DRC11: variants seen among roughly 807,000 people sequenced by gnomAD.
DRC11 encodes dynein regulatory complex subunit 11, also known as IQ and AAA domain-containing protein 1.
At chr2:236,377,918 C>A in the DRC11 span, among the ~76,000 whole-genome samples, 1 of 152,182 alleles carries the variant, frequency 6.6e-6, no homozygotes, top group East Asian at 1.9e-4. This position sits in a 1 kb window ranked among gnomAD's most constrained non-coding sequence, Gnocchi z 4.9. Flanking sequence ...AGGTTAAACT[C>A]AAATATTATT....
the DRC11 span, among the ~76,000 whole-genome samples, chr2:236,422,910 T>C: frequency 6.6e-6 from 1 of 151,978 alleles, no homozygotes; most frequent in Non-Finnish European, 1.5e-5. Flanking sequence ...TATCTACAAC[T>C]ATCTGATCTT....
At chr2:236,332,861 T>A in the DRC11 span, 1 of 152,160 alleles carries the variant, frequency 6.6e-6, no homozygotes, top group Non-Finnish European at 1.5e-5. This position sits in a 1 kb window ranked among gnomAD's most constrained non-coding sequence, Gnocchi z 5.1. Context: ...GAACTGTACC[T>A]TGGGGCCTGC....
At chr2:236,363,985 A>G in the DRC11 span, 1 of 1,611,036 alleles carries the variant, frequency 6.2e-7, no homozygotes, top group Admixed American at 1.7e-5. The surrounding 1 kb of genome is among the most constrained non-coding windows in gnomAD (Gnocchi z 5.6). Flanking sequence ...AGAACCTAAA[A>G]AAGGCAGAGG....
the DRC11 span, among the ~76,000 whole-genome samples, chr2:236,342,675 C>T: frequency 4.9e-4 from 75 of 152,282 alleles, 1 homozygote; most frequent in Middle Eastern, 3.4e-3. The surrounding 1 kb of genome is among the most constrained non-coding windows in gnomAD (Gnocchi z 5.8). Context: ...ATGGTTTCCT[C>T]CCCCGCTCCT....
the DRC11 span, among the ~76,000 whole-genome samples, chr2:236,495,137 G>A: frequency 6.6e-6 from 1 of 152,168 alleles, no homozygotes; most frequent in East Asian, 1.9e-4. This position sits in a 1 kb window ranked among gnomAD's most constrained non-coding sequence, Gnocchi z 5.6. Flanking sequence ...GAGGTCAGGA[G>A]TTCGAGACCA....
chr2:236,440,947 C>A, the DRC11 span: 4 of 733,196 alleles, frequency 5.5e-6, no homozygotes, highest in Non-Finnish European at 9.1e-6. Flanking sequence ...GGAAAATAAC[C>A]AAGACCTAAT....
the DRC11 span, among the ~76,000 whole-genome samples, chr2:236,338,927 G>C: frequency 1.3e-5 from 2 of 152,210 alleles, no homozygotes; most frequent in African/African-American, 4.8e-5. Flanking sequence ...AGGAATGAGC[G>C]AGAACAGGCT....
chr2:236,389,225 T>G, the DRC11 span, among the ~76,000 whole-genome samples: 452 of 152,328 alleles, frequency 3.0e-3, 1 homozygote, highest in African/African-American at 8.6e-3. Context: ...GTTTACCTAA[T>G]CAAGCCTGGG....
the DRC11 span, chr2:236,367,943 C>T: frequency 1.9e-6 from 1 of 517,298 alleles, no homozygotes; most frequent in Non-Finnish European, 3.5e-6. The surrounding 1 kb of genome is among the most constrained non-coding windows in gnomAD (Gnocchi z 4.8). Flanking sequence ...CTCCCCAGCT[C>T]ATTGCCTGTA....
chr2:236,402,139 C>A, the DRC11 span, among the ~76,000 whole-genome samples: 3 of 152,218 alleles, frequency 2.0e-5, no homozygotes, highest in Non-Finnish European at 2.9e-5. This position sits in a 1 kb window ranked among gnomAD's most constrained non-coding sequence, Gnocchi z 6.0. Context: ...GCGGCTCTTG[C>A]TCCCAAGACA....
the DRC11 span, among the ~76,000 whole-genome samples, chr2:236,477,286 A>C: frequency 6.6e-6 from 1 of 152,226 alleles, no homozygotes; most frequent in African/African-American, 2.4e-5. Context: ...CACATATTTT[A>C]TATATTACAT....
At chr2:236,357,598 TGTA>T in the DRC11 span, among the ~76,000 whole-genome samples, 2 of 126,500 alleles carry the variant, frequency 1.6e-5, no homozygotes, top group African/African-American at 3.2e-5. Context: ...TATGCATTTA[TGTA>T]AATATATATT....
chr2:236,378,017 A>G, the DRC11 span, among the ~76,000 whole-genome samples: 1 of 152,192 alleles, frequency 6.6e-6, no homozygotes, highest in East Asian at 1.9e-4. Context: ...AATTGTAAAT[A>G]CAACTTTATT....
At chr2:236,473,926 T>C in the DRC11 span, among the ~76,000 whole-genome samples, 1 of 152,150 alleles carries the variant, frequency 6.6e-6, no homozygotes, top group Non-Finnish European at 1.5e-5. The surrounding 1 kb of genome is among the most constrained non-coding windows in gnomAD (Gnocchi z 4.8). Context: ...AAGATACAAA[T>C]ATGGTTTTGA....
At chr2:236,323,047 A>G in the DRC11 span, among the ~76,000 whole-genome samples, 6 of 152,246 alleles carry the variant, frequency 3.9e-5, no homozygotes, top group African/African-American at 1.4e-4. The surrounding 1 kb of genome is among the most constrained non-coding windows in gnomAD (Gnocchi z 6.4). Context: ...GAGTTCTGAA[A>G]AAGTGTACTT....
chr2:236,425,897 C>T, the DRC11 span, among the ~76,000 whole-genome samples: 1 of 151,952 alleles, frequency 6.6e-6, no homozygotes, highest in African/African-American at 2.4e-5. Context: ...ACTTATCCTT[C>T]TTCCATTGTG....
the DRC11 span, among the ~76,000 whole-genome samples, chr2:236,416,087 G>A: frequency 5.3e-5 from 8 of 152,124 alleles, no homozygotes; most frequent in African/African-American, 1.9e-4. Context: ...CTCAGATGGA[G>A]ATGGATGTAG....
chr2:236,393,249 T>C, the DRC11 span, among the ~76,000 whole-genome samples: 1 of 152,174 alleles, frequency 6.6e-6, no homozygotes, highest in Admixed American at 6.5e-5. This position sits in a 1 kb window ranked among gnomAD's most constrained non-coding sequence, Gnocchi z 4.7. Flanking sequence ...TTTAGGGTTC[T>C]GATGACCTTC....
the DRC11 span, chr2:236,343,880 A>T: frequency 1.9e-6 from 1 of 518,306 alleles, no homozygotes; most frequent in Non-Finnish European, 3.4e-6. This position sits in a 1 kb window ranked among gnomAD's most constrained non-coding sequence, Gnocchi z 6.6. Context: ...TATCCAAATC[A>T]TCTCTACCTG....
Sources: gnomAD v4.1 joint callset for allele counts (sites outside exome capture counted in the v4.1 genomes callset) on GRCh38, gnomAD v4.1.1 for gene constraint, Gnocchi (gnomAD v3.1) non-coding constraint, MANE v1.5 for transcripts, NCBI Gene and HGNC (gene_info 2026-07-23, HGNC 2026-07-21) for gene names.